The following STXBP5L variants were observed in gnomAD, a reference collection of about 807,000 sequenced individuals.
STXBP5L encodes the protein syntaxin-binding protein 5-like.
STXBP5L carries 65 observed loss-of-function variants against 144.5 expected under a neutral mutation model. The observed-to-expected ratio is 0.45, with a 90% CI of 0.37 to 0.55. The LOEUF is 0.55. STXBP5L is among the 20% of genes least tolerant of loss of function. STXBP5L has a pLI of 0.00. For synonymous variants in STXBP5L, 505 were observed against 469.6 expected, an observed-to-expected ratio of 1.08 and a Z score of -0.97; for missense variants, 1,298 against 1,405.5, an observed-to-expected ratio of 0.92 and a Z score of 1.22.
intron 9 of STXBP5L, among the ~76,000 whole-genome samples, chr3:121,173,081 A>C (rs535269213): frequency 6.6e-6 from 1 of 152,204 alleles, no homozygotes; most frequent in Admixed American, 6.5e-5. Flanking sequence ...ACAAGAACAG[A>C]AAACCAAACA....
chr3:121,271,180 A>C (rs1280934145), intron 18 of STXBP5L, among the ~76,000 whole-genome samples: 1 of 152,188 alleles, frequency 6.6e-6, no homozygotes, highest in Non-Finnish European at 1.5e-5. Context: ...TCCCTATCCT[A>C]TATAAACATT....
chr3:121,254,842 CA>C, intron 15 of STXBP5L, 52 bp from the exon 16 acceptor site: 1 of 1,408,872 alleles, frequency 7.1e-7, no homozygotes, highest in Non-Finnish European at 9.6e-7. Flanking sequence ...GCTTTAATAA[CA>C]TCTAAGAATT....
intron 20 of STXBP5L, among the ~76,000 whole-genome samples, chr3:121,348,007 G>C (rs540102983): frequency 2.0e-5 from 3 of 152,288 alleles, no homozygotes; most frequent in Admixed American, 1.3e-4. Context: ...GAATAGGAGT[G>C]GTGAGAGAGG....
At chr3:121,409,572 TC>T (rs1462574523) in intron 23 of STXBP5L, among the ~76,000 whole-genome samples, 1 of 151,850 alleles carries the variant, frequency 6.6e-6, no homozygotes, top group Non-Finnish European at 1.5e-5. Context: ...CGACCTCCAT[TC>T]CCCTATCTGA....
intron 24 of STXBP5L, 21 bp downstream of exon 24, chr3:121,413,344 A>T: frequency 6.7e-7 from 1 of 1,502,250 alleles, no homozygotes; most frequent in Non-Finnish European, 8.9e-7. Context: ...AGTTACATTT[A>T]TGAAAAAGAC....
At chr3:121,137,773 G>A (rs944459349) in intron 7 of STXBP5L, among the ~76,000 whole-genome samples, 5 of 152,080 alleles carry the variant, frequency 3.3e-5, no homozygotes, top group Admixed American at 6.6e-5. Context: ...TAGAAGGATT[G>A]TACCTCAACC....
chr3:121,307,789 A>T (rs901388197), intron 19 of STXBP5L, among the ~76,000 whole-genome samples: 3 of 152,160 alleles, frequency 2.0e-5, no homozygotes, highest in African/African-American at 7.2e-5. Context: ...AACTTCCCAA[A>T]TTTTATGAAA....
chr3:121,416,064 C>G, intron 25 of STXBP5L, 96 bp downstream of exon 25: 1 of 883,188 alleles, frequency 1.1e-6, no homozygotes, highest in East Asian at 2.7e-5. Context: ...TATGTGATCT[C>G]AAATTCTAGA....
chr3:121,081,768 GTATT>G (rs1553800133), intron 5 of STXBP5L, among the ~76,000 whole-genome samples: 8 of 152,186 alleles, frequency 5.3e-5, no homozygotes, highest in Non-Finnish European at 1.5e-5. Flanking sequence ...CAGAGGCCCA[GTATT>G]TATTAAGTTG....
chr3:120,916,459 C>T (rs552400809), intron 2 of STXBP5L, among the ~76,000 whole-genome samples: 31 of 152,136 alleles, frequency 2.0e-4, no homozygotes, highest in Non-Finnish European at 3.5e-4. Context: ...CACCACCACG[C>T]CCGGCTAATT....
intron 10 of STXBP5L, among the ~76,000 whole-genome samples, chr3:121,217,493 C>T (rs757436515): frequency 6.6e-6 from 1 of 152,072 alleles, no homozygotes; most frequent in Non-Finnish European, 1.5e-5. Flanking sequence ...TGCTTCTGCT[C>T]ACCCTCCGTG....
intron 9 of STXBP5L, among the ~76,000 whole-genome samples, chr3:121,203,256 G>A (rs1321884706): frequency 6.6e-6 from 1 of 152,006 alleles, no homozygotes; most frequent in Non-Finnish European, 1.5e-5. Context: ...TAAGTTTAGA[G>A]ATTGCCATTG....
At chr3:121,122,374 A>C (rs1353047212) in intron 7 of STXBP5L, among the ~76,000 whole-genome samples, 2 of 151,280 alleles carry the variant, frequency 1.3e-5, no homozygotes, top group Admixed American at 1.3e-4. Context: ...TTGATCCACA[A>C]GTACAATGTA....
intron 3 of STXBP5L, among the ~76,000 whole-genome samples, chr3:120,976,478 A>C (rs1056981833): frequency 1.3e-5 from 2 of 151,916 alleles, no homozygotes; most frequent in East Asian, 3.9e-4. Flanking sequence ...AATTTTGTTG[A>C]TCATTTCAAA....
At chr3:121,003,500 G>T (rs1006770957) in intron 3 of STXBP5L, among the ~76,000 whole-genome samples, 1 of 152,154 alleles carries the variant, frequency 6.6e-6, no homozygotes, top group Non-Finnish European at 1.5e-5. Context: ...CATGCTCTAG[G>T]TTGCCTGTTC....
At chr3:121,338,398 C>G (rs1037023607) in intron 20 of STXBP5L, among the ~76,000 whole-genome samples, 1 of 151,608 alleles carries the variant, frequency 6.6e-6, no homozygotes, top group Non-Finnish European at 1.5e-5. Context: ...AATCCCAGCA[C>G]TTTGGGAGTC....
intron 3 of STXBP5L, among the ~76,000 whole-genome samples, chr3:120,984,357 A>T (rs1942084535): frequency 6.6e-6 from 1 of 152,146 alleles, no homozygotes; most frequent in African/African-American, 2.4e-5. Context: ...TGAACTCAGG[A>T]TAGTATTCTC....
chr3:121,412,873 A>T (rs1338474580), intron 23 of STXBP5L, among the ~76,000 whole-genome samples: 4 of 151,956 alleles, frequency 2.6e-5, no homozygotes, highest in Non-Finnish European at 4.4e-5. Flanking sequence ...GTCTCTACTA[A>T]AAATACAAAA....
intron 20 of STXBP5L, among the ~76,000 whole-genome samples, chr3:121,320,920 C>T (rs1331384513): frequency 5.9e-5 from 9 of 152,058 alleles, no homozygotes; most frequent in African/African-American, 2.2e-4. Context: ...AGGATAGTCT[C>T]GATCTCCTGA....
Sources: allele counts gnomAD v4.1 joint callset (sites outside exome capture counted in the v4.1 genomes callset), GRCh38; gene constraint gnomAD v4.1.1; transcripts MANE v1.5; gene names NCBI Gene and HGNC (gene_info 2026-07-23, HGNC 2026-07-21).